The following GRM7 variants were observed in gnomAD, a reference collection of about 807,000 sequenced individuals.
GRM7 encodes glutamate metabotropic receptor 7.
Under a neutral mutation model 84.5 loss-of-function variants are expected in GRM7, and 35 were observed. The observed-to-expected ratio is 0.41, with a 90% CI of 0.32 to 0.55. GRM7 has a LOEUF of 0.55. Ranked by LOEUF, GRM7 falls within the 20% of genes least tolerant of loss-of-function variation. The pLI is 0.19. For synonymous variants in GRM7, 487 were observed against 455.1 expected, an observed-to-expected ratio of 1.07 and a Z score of -0.89; for missense variants, 1,003 against 1,194.6, an observed-to-expected ratio of 0.84 and a Z score of 2.36.
intron 4 of GRM7, among the ~76,000 whole-genome samples, chr3:7,308,989 A>G (rs1305506210): frequency 6.6e-6 from 1 of 152,248 alleles, no homozygotes; most frequent in Non-Finnish European, 1.5e-5. Flanking sequence ...TTAAGATTCC[A>G]AAGAATGAAA....
At chr3:7,064,765 T>G (rs557247864) in intron 1 of GRM7, among the ~76,000 whole-genome samples, 26 of 151,742 alleles carry the variant, frequency 1.7e-4, no homozygotes, top group African/African-American at 6.0e-4. Flanking sequence ...CTTTAAGGAA[T>G]CTCCACACTG....
chr3:7,243,952 A>G lies in GRM7; in HGVS notation c.737-54732A>G, dbSNP rs548475510. On this transcript the variant is annotated intron_variant, in intron 2 of 9. Transcript: ENST00000357716. ...AAGGTACAGTGAAAATATAATATAA[A>G]AAATAAAAAACAGTACACTTGTGTG... Among the ~76,000 whole-genome samples the G allele has an allele frequency of 3.9e-5, 6 of 152,250 alleles. No individual in the cohort carries two copies. In the East Asian group the frequency reaches 1.2e-3, roughly 29 times the overall value.
intron 1 of GRM7, among the ~76,000 whole-genome samples, chr3:7,115,972 G>A (rs1693017303): frequency 6.6e-6 from 1 of 152,084 alleles, no homozygotes; most frequent in African/African-American, 2.4e-5. Context: ...TCTCATTACT[G>A]CCACTCTCAA....
At chr3:6,897,794 A>G (rs1696238573) in intron 1 of GRM7, among the ~76,000 whole-genome samples, 1 of 152,226 alleles carries the variant, frequency 6.6e-6, no homozygotes, top group Non-Finnish European at 1.5e-5. Context: ...CAATTTGAGC[A>G]GGATGTAGGG....
chr3:7,592,851 G>T (rs938563461), intron 8 of GRM7, among the ~76,000 whole-genome samples: 8 of 151,970 alleles, frequency 5.3e-5, no homozygotes, highest in Non-Finnish European at 1.0e-4. Flanking sequence ...TATGCCATTT[G>T]TCCACTGCTG....
intron 2 of GRM7, among the ~76,000 whole-genome samples, chr3:7,166,856 G>A (rs1291448117): frequency 4.6e-5 from 7 of 152,108 alleles, no homozygotes; most frequent in Non-Finnish European, 7.4e-5. Context: ...TGTTGCCTTA[G>A]CATTTATCTG....
At chr3:7,413,557 A>G (rs17047284) in intron 4 of GRM7, among the ~76,000 whole-genome samples, 7,071 of 152,270 alleles carry the variant, frequency 0.046, 479 homozygotes, top group African/African-American at 0.15. Flanking sequence ...GAGGAGCTCC[A>G]TTTTTGAAAC....
At position 7,451,302 on chromosome 3, in the gene GRM7, G is replaced by A. The variant is rs557242753; in HGVS notation, c.1175-1305G>A. On this transcript the variant is annotated intron_variant, in intron 5 of 9. Transcript: ENST00000357716. ...ATCCAAAGGTAAAAACAAGAAAAAT[G>A]TCTTGGACACCTGGTAGAGCATTAA... is the stretch of plus-strand genomic sequence containing the variant. Among the ~76,000 whole-genome samples the A allele has an allele frequency of 2.1e-4, 32 of 152,240 alleles. No homozygotes were observed. In the South Asian group the frequency reaches 5.8e-3, roughly 28 times the overall value.
At chr3:7,286,028 C>T (rs1335997132) in intron 2 of GRM7, among the ~76,000 whole-genome samples, 1 of 152,086 alleles carries the variant, frequency 6.6e-6, no homozygotes, top group African/African-American at 2.4e-5. Flanking sequence ...TAACTCACAG[C>T]ATTGTCAAAT....
chr3:6,999,454 C>G (rs1575114976), intron 1 of GRM7, among the ~76,000 whole-genome samples: 2 of 152,140 alleles, frequency 1.3e-5, no homozygotes, highest in East Asian at 3.9e-4. Context: ...TAAACTGTTC[C>G]AACCTCTGCC....
At chr3:7,211,904 G>T (rs1427053610) in intron 2 of GRM7, among the ~76,000 whole-genome samples, 1 of 151,482 alleles carries the variant, frequency 6.6e-6, no homozygotes, top group Non-Finnish European at 1.5e-5. Flanking sequence ...CCCCGACTTG[G>T]TGTTCTTCAG....
At chr3:7,010,759 G>A (rs1427409448) in intron 1 of GRM7, among the ~76,000 whole-genome samples, 4 of 152,168 alleles carry the variant, frequency 2.6e-5, no homozygotes, top group South Asian at 4.1e-4. Context: ...AGCATGGGGT[G>A]GAGAGCCAGA....
rs1301822713 is a variant in GRM7, at chr3:7,064,562, T to C, written c.520-81890T>C. On this transcript the variant is annotated intron_variant, in intron 1 of 9. Transcript: ENST00000357716. Reference sequence around the variant, plus strand: ...CATCATGTATGGATATATATATATATATATATATCACAGTTTCTTTATCCT... The same window carrying C: ...CATCATGTATGGATATATATATATACATATATATCACAGTTTCTTTATCCT... 3.6e-5 allele frequency among the ~76,000 whole-genome samples: 3 copies of C among 82,398 alleles called. No homozygotes were observed. The East Asian group carries it at 8.3e-4, about 23-fold the overall frequency. 54.1% of individuals were successfully genotyped at this position (82,398 alleles called of 152,430 possible). A position where few individuals can be genotyped will look rare whatever the true frequency, so the allele number is the denominator to read the frequency against.
intron 7 of GRM7, among the ~76,000 whole-genome samples, chr3:7,492,449 G>A (rs1699555527): frequency 6.6e-6 from 1 of 152,180 alleles, no homozygotes; most frequent in Middle Eastern, 3.4e-3. Context: ...ATGGCTTTCA[G>A]GGAATTGGTG....
At chr3:7,538,311 C>G (rs571112347) in intron 7 of GRM7, among the ~76,000 whole-genome samples, 1 of 152,076 alleles carries the variant, frequency 6.6e-6, no homozygotes, top group Non-Finnish European at 1.5e-5. Context: ...GGAGTTTCAC[C>G]ATGTTGGCCA....
At chr3:6,990,217 A>G (rs1204964447) in intron 1 of GRM7, among the ~76,000 whole-genome samples, 1 of 150,710 alleles carries the variant, frequency 6.6e-6, no homozygotes, top group African/African-American at 2.5e-5. Context: ...TTTTTCCCAA[A>G]TCTTGGAAAG....
rs149392350 is a variant in GRM7 at position 7,094,962 on chromosome 3, T to A, written c.520-51490T>A. On this transcript the variant is annotated intron_variant, in intron 1 of 9. Coordinates refer to ENST00000357716, the MANE Select transcript of GRM7 (RefSeq NM_000844.4). ...ATGAAAAATATATAAAAATGCTACT[T>A]GAACTGAGGGCTGATAGACTTTTTT... 5.3e-5 allele frequency among the ~76,000 whole-genome samples: 8 copies of A among 151,956 alleles called. No individual in the cohort carries two copies. The East Asian group carries it at 1.6e-3, about 29-fold the overall frequency.
At chr3:6,952,356 G>T (rs559973975) in intron 1 of GRM7, among the ~76,000 whole-genome samples, 5 of 152,094 alleles carry the variant, frequency 3.3e-5, no homozygotes, top group Non-Finnish European at 7.3e-5. Context: ...TGTTTTTTCT[G>T]ATTTCTTTGC....
At chr3:7,031,502 C>T (rs896218155) in intron 1 of GRM7, among the ~76,000 whole-genome samples, 4 of 151,906 alleles carry the variant, frequency 2.6e-5, no homozygotes, top group South Asian at 2.1e-4. Context: ...CTGCAAGCTC[C>T]GCCTCCCGGG....
Sources: allele counts gnomAD v4.1 joint callset (sites outside exome capture counted in the v4.1 genomes callset), GRCh38; gene constraint gnomAD v4.1.1; transcripts MANE v1.5; gene names NCBI Gene and HGNC (gene_info 2026-07-23, HGNC 2026-07-21).